COL5A2: variants seen among roughly 807,000 people sequenced by gnomAD.
COL5A2 encodes collagen type V alpha 2 chain.
COL5A2 carries 23 observed loss-of-function variants against 208.2 expected under a neutral mutation model. The observed-to-expected ratio is 0.11, with a 90% CI of 0.08 to 0.16. The LOEUF (loss-of-function observed/expected upper bound fraction) is 0.16. Ranked by LOEUF, COL5A2 falls within the 10% of genes least tolerant of loss-of-function variation. COL5A2 has a pLI of 1.00. For missense variants in COL5A2, 1,590 were observed against 1,956.4 expected (o/e 0.81, Z 3.53); for synonymous variants, 625 against 628.5 (o/e 0.99, Z 0.08).
At chr2:189,421,407 T>C in the COL5A2 span, among the ~76,000 whole-genome samples, 1 of 152,048 alleles carries the variant, frequency 6.6e-6, no homozygotes, top group Non-Finnish European at 1.5e-5. Context: ...TCACAGTACA[T>C]GGTTATAGCA....
chr2:189,111,005 C>T (rs1326574450), intron 1 of COL5A2, among the ~76,000 whole-genome samples: 1 of 151,862 alleles, frequency 6.6e-6, no homozygotes, highest in African/African-American at 2.4e-5. Context: ...AACCATGTCC[C>T]ATTTCATGGA....
chr2:189,045,992 T>A (rs963009007), intron 45 of COL5A2, 85 bp from the exon 46 acceptor site: 26 of 1,178,346 alleles, frequency 2.2e-5, no homozygotes, highest in Non-Finnish European at 3.0e-5. Flanking sequence ...CTTATAGTAT[T>A]AATAATGGGA....
At chr2:189,367,575 T>C in the COL5A2 span, among the ~76,000 whole-genome samples, 3 of 152,184 alleles carry the variant, frequency 2.0e-5, no homozygotes, top group Non-Finnish European at 4.4e-5. Flanking sequence ...ATTTACACAG[T>C]GGATAGGACA....
At chr2:189,283,543 G>T in the COL5A2 span, among the ~76,000 whole-genome samples, 1 of 151,922 alleles carries the variant, frequency 6.6e-6, no homozygotes, top group Admixed American at 6.6e-5. Context: ...ATCTGAGAAT[G>T]TCACAGTCAA....
the COL5A2 span, among the ~76,000 whole-genome samples, chr2:189,407,964 C>A: frequency 3.3e-5 from 5 of 152,090 alleles, no homozygotes; most frequent in Admixed American, 3.3e-4. Context: ...AGTGAAAGAC[C>A]TTTTACTGAG....
At position 189,094,697 on chromosome 2, in the gene COL5A2, A is replaced by G. The variant is rs907784187; in HGVS notation, c.457-2277T>C. Among the ~76,000 whole-genome samples, 7 of 148,152 alleles carry G rather than the reference A, an allele frequency of 4.7e-5. 1 individual carries two copies. Among genetic ancestry groups the G allele is most frequent in the Admixed American group, 4.2e-4 (6 of 14,436 alleles). On this transcript the variant is annotated intron_variant, in intron 6 of 53. Coordinates refer to ENST00000374866, the MANE Select transcript of COL5A2 (RefSeq NM_000393.5). ...AGTATATTTCCCATTTTACAGATCAAGAAACATACCAATAGTGGTTAAGTG... is the reference window on the plus strand; with the variant it reads ...AGTATATTTCCCATTTTACAGATCAGGAAACATACCAATAGTGGTTAAGTG...
At chr2:189,050,711 C>T (rs1053761446) in intron 42 of COL5A2, 35 bp from the exon 43 acceptor site, 55 of 1,514,032 alleles carry the variant, frequency 3.6e-5, no homozygotes, top group Non-Finnish European at 4.9e-5. Flanking sequence ...CAGAAACTAT[C>T]CAGGGTAAAA....
intron 6 of COL5A2, among the ~76,000 whole-genome samples, chr2:189,093,186 G>A (rs746815505): frequency 1.3e-5 from 2 of 152,082 alleles, no homozygotes; most frequent in South Asian, 2.1e-4. Flanking sequence ...GAACAGCCAC[G>A]TCCTCAGTTC....
chr2:189,060,412 A>C (rs1472125825), intron 31 of COL5A2, among the ~76,000 whole-genome samples: 2 of 152,252 alleles, frequency 1.3e-5, no homozygotes, highest in Non-Finnish European at 2.9e-5. Context: ...TCTATGAGCC[A>C]GGAAAACGAC....
chr2:189,332,587 G>A, the COL5A2 span, among the ~76,000 whole-genome samples: 1 of 151,832 alleles, frequency 6.6e-6, no homozygotes. Flanking sequence ...TTTTTATAGA[G>A]AGGAGTTTCC....
the COL5A2 span, among the ~76,000 whole-genome samples, chr2:189,322,320 C>G: frequency 6.6e-6 from 1 of 152,094 alleles, no homozygotes; most frequent in East Asian, 1.9e-4. Context: ...CAAGAAATAA[C>G]AAAGATCAGA....
At chr2:189,324,115 C>T in the COL5A2 span, among the ~76,000 whole-genome samples, 1 of 152,138 alleles carries the variant, frequency 6.6e-6, no homozygotes, top group African/African-American at 2.4e-5. Flanking sequence ...AACTGGCTAG[C>T]CATAAGTAGA....
chr2:189,258,507 A>G, the COL5A2 span, among the ~76,000 whole-genome samples: 1 of 152,194 alleles, frequency 6.6e-6, no homozygotes, highest in Non-Finnish European at 1.5e-5. Flanking sequence ...GCAGATAATA[A>G]CTAATTCAGT....
At chr2:189,392,878 A>C in the COL5A2 span, among the ~76,000 whole-genome samples, 1 of 152,204 alleles carries the variant, frequency 6.6e-6, no homozygotes, top group South Asian at 2.1e-4. Context: ...TCTACCCTAA[A>C]GGTACTACCA....
At chr2:189,285,976 A>T in the COL5A2 span, among the ~76,000 whole-genome samples, 6 of 152,116 alleles carry the variant, frequency 3.9e-5, no homozygotes, top group African/African-American at 1.4e-4. Flanking sequence ...ACATTTGACA[A>T]ATGTCTCTGA....
the COL5A2 span, among the ~76,000 whole-genome samples, chr2:189,250,172 C>T: frequency 6.6e-6 from 1 of 152,176 alleles, no homozygotes; most frequent in African/African-American, 2.4e-5. Context: ...CACATAGCAG[C>T]AGCAGCTCCC....
At chr2:189,410,567 TA>T in the COL5A2 span, among the ~76,000 whole-genome samples, 2 of 150,770 alleles carry the variant, frequency 1.3e-5, no homozygotes, top group African/African-American at 2.4e-5. Context: ...CCCTGTCTCT[TA>T]AAAAAAAAGA....
At position 189,153,900 on chromosome 2, in the gene COL5A2, C is replaced by T. The variant is rs560483176; in HGVS notation, c.97+25608G>A. On this transcript the variant is annotated intron_variant, in intron 1 of 53. Coordinates refer to ENST00000374866, the MANE Select transcript of COL5A2 (RefSeq NM_000393.5). ...ACTTTCACTGGTAAGACGCATTTTC[C>T]TTAAAAGGTAGTTCCTGTATAGACC... Among the ~76,000 whole-genome samples, 9 of 152,174 alleles carry T rather than the reference C, an allele frequency of 5.9e-5. 1 individual carries two copies. In the South Asian group the frequency reaches 1.9e-3, roughly 32 times the overall value.
chr2:189,393,484 T>C, the COL5A2 span, among the ~76,000 whole-genome samples: 1 of 152,156 alleles, frequency 6.6e-6, no homozygotes, highest in Non-Finnish European at 1.5e-5. Flanking sequence ...GTTTAATTAA[T>C]ATCTCTATTT....
Sources: allele counts gnomAD v4.1 joint callset (sites outside exome capture counted in the v4.1 genomes callset), GRCh38; gene constraint gnomAD v4.1.1; transcripts MANE v1.5; gene names NCBI Gene and HGNC (gene_info 2026-07-23, HGNC 2026-07-21).